UGT8: variants seen among roughly 807,000 people sequenced by gnomAD.
UGT8 encodes 2-hydroxyacylsphingosine 1-beta-galactosyltransferase.
Under a neutral mutation model 40.5 loss-of-function variants are expected in UGT8, and 12 were observed. The ratio of observed to expected loss-of-function variants is 0.30; its 90% CI spans 0.19 to 0.48. The LOEUF is 0.48. UGT8 is among the 20% of genes least tolerant of loss of function. The pLI is 0.99. For synonymous variants in UGT8, 224 were observed against 240.4 expected (o/e 0.93, Z 0.63); for missense variants, 513 against 648.7 (o/e 0.79, Z 2.27).
At chr4:114,617,376 G>A (rs537992401) in intron 1 of UGT8, among the ~76,000 whole-genome samples, 1 of 152,306 alleles carries the variant, frequency 6.6e-6, no homozygotes, top group South Asian at 2.1e-4. Flanking sequence ...AATTCACACT[G>A]AAATGTTAAA....
At chr4:114,654,083 G>A (rs775674250) in intron 2 of UGT8, among the ~76,000 whole-genome samples, 4 of 152,116 alleles carry the variant, frequency 2.6e-5, no homozygotes, top group Non-Finnish European at 1.5e-5. Context: ...AATTAATTTG[G>A]AAATGTAGTA....
intron 2 of UGT8, among the ~76,000 whole-genome samples, chr4:114,662,801 G>A (rs1359556905): frequency 6.8e-6 from 1 of 147,332 alleles, no homozygotes; most frequent in Non-Finnish European, 1.5e-5. Context: ...GTGCAGTGAT[G>A]CCATTGTGAC....
chr4:114,665,817 T>C, intron 4 of UGT8, 61 bp downstream of exon 4: 1 of 197,568 alleles, frequency 5.1e-6, no homozygotes, highest in South Asian at 1.5e-4. Context: ...TAAATGTGAC[T>C]TTTTTTTTTT....
intron 1 of UGT8, among the ~76,000 whole-genome samples, chr4:114,604,972 A>G (rs1730652900): frequency 6.6e-6 from 1 of 151,988 alleles, no homozygotes; most frequent in Non-Finnish European, 1.5e-5. Flanking sequence ...TTTGTAAAGC[A>G]TAGTAATCTA....
At chr4:114,671,868 A>C (rs1007894180) in intron 5 of UGT8, among the ~76,000 whole-genome samples, 1 of 152,242 alleles carries the variant, frequency 6.6e-6, no homozygotes, top group Admixed American at 6.5e-5. Flanking sequence ...AAAAGAAACT[A>C]TCATCAGAGT....
intron 5 of UGT8, among the ~76,000 whole-genome samples, chr4:114,673,499 T>C (rs2126140234): frequency 6.6e-6 from 1 of 152,338 alleles, no homozygotes; most frequent in African/African-American, 2.4e-5. Context: ...CAAGAGCTTT[T>C]CTGATAATTA....
intron 2 of UGT8, among the ~76,000 whole-genome samples, chr4:114,637,249 T>G (rs1474981850): frequency 2.0e-5 from 3 of 152,188 alleles, no homozygotes; most frequent in Non-Finnish European, 4.4e-5. Flanking sequence ...ACGGTCTTTG[T>G]GAGTTCTACA....
chr4:114,609,975 T>G lies in UGT8; in HGVS notation c.-3+11001T>G, dbSNP rs116604555. On this transcript the variant is annotated intron_variant, in intron 1 of 5. Transcript: ENST00000310836. ...CTTCTGTCTTAGAGCCAAAATATAT[T>G]GTAATTTTTTCATGGTCTAAGTATC... Among the ~76,000 whole-genome samples the G allele has an allele frequency of 3.2e-3, 493 of 152,326 alleles. 3 individuals carry two copies. The highest frequency in any genetic ancestry group is 0.011 in the African/African-American group (453 of 41,580).
At chr4:114,647,426 C>T (rs1022546300) in intron 2 of UGT8, among the ~76,000 whole-genome samples, 20 of 150,842 alleles carry the variant, frequency 1.3e-4, no homozygotes, top group African/African-American at 4.1e-4. Context: ...AGTGCAGTGG[C>T]GCTATCTCAG....
At chr4:114,650,837 G>T (rs572428354) in intron 2 of UGT8, among the ~76,000 whole-genome samples, 46 of 151,844 alleles carry the variant, frequency 3.0e-4, no homozygotes, top group Non-Finnish European at 1.5e-5. Flanking sequence ...TTTCTTTCTT[G>T]CTTTTTCATA....
intron 1 of UGT8, among the ~76,000 whole-genome samples, chr4:114,616,995 G>A (rs1011888526): frequency 1.3e-5 from 2 of 152,136 alleles, no homozygotes; most frequent in African/African-American, 4.8e-5. Context: ...GCTCATGCCT[G>A]TAATCCCAGC....
At chr4:114,638,755 G>T (rs1246929933) in intron 2 of UGT8, among the ~76,000 whole-genome samples, 1 of 152,132 alleles carries the variant, frequency 6.6e-6, no homozygotes, top group Non-Finnish European at 1.5e-5. Context: ...ACTTGTTTGG[G>T]TTATGAATTC....
At chr4:114,628,574 G>A (rs10018191) in intron 2 of UGT8, among the ~76,000 whole-genome samples, 9,631 of 151,478 alleles carry the variant, frequency 0.064, 666 homozygotes, top group African/African-American at 0.17. Context: ...ATAAACAGGG[G>A]CAGTGCTGAA....
At chr4:114,667,319 T>TTTTTG (rs1734950868) in intron 4 of UGT8, among the ~76,000 whole-genome samples, 1 of 152,184 alleles carries the variant, frequency 6.6e-6, no homozygotes, top group African/African-American at 2.4e-5. Context: ...AAGTACAATG[T>TTTTTG]TTTTGTTTTG....
Position 114,677,921 on chromosome 4 carries a change from A to G in UGT8, c.*1633A>G, listed in dbSNP as rs1478883058. 2 of 152,250 alleles carry G rather than the reference A, an allele frequency of 1.3e-5. No individual in the cohort carries two copies. Among genetic ancestry groups the G allele is most frequent in the East Asian group, 3.8e-4 (2 of 5,202 alleles). 9.4% of individuals were successfully genotyped at this position (152,250 alleles called of 1,614,324 possible). A position where few individuals can be genotyped will look rare whatever the true frequency, so the allele number is the denominator to read the frequency against. On this transcript the variant is annotated 3_prime_UTR_variant, in exon 6 of 6. Coordinates refer to ENST00000310836, the MANE Select transcript of UGT8 (RefSeq NM_001128174.3). ...TGCACTTAGAAATAATGTCACAAGT[A>G]GTTTTCTAATGTACAATGCAGACAA...
chr4:114,627,556 C>T (rs995550031), intron 2 of UGT8, among the ~76,000 whole-genome samples: 1 of 151,978 alleles, frequency 6.6e-6, no homozygotes, highest in Non-Finnish European at 1.5e-5. Flanking sequence ...CCGCGCCTGG[C>T]CAAATAGATC....
intron 2 of UGT8, among the ~76,000 whole-genome samples, chr4:114,642,665 T>C (rs1469813382): frequency 6.6e-6 from 1 of 152,174 alleles, no homozygotes; most frequent in Non-Finnish European, 1.5e-5. Context: ...TTCATCTTTC[T>C]TGTAGCTGTT....
intron 2 of UGT8, among the ~76,000 whole-genome samples, chr4:114,660,910 AT>A (rs1300795430): frequency 6.6e-6 from 1 of 151,236 alleles, no homozygotes; most frequent in Non-Finnish European, 1.5e-5. Flanking sequence ...AAAAAAAAAA[AT>A]TATAATTCAA....
chr4:114,660,599 G>C (rs1358772612), intron 2 of UGT8, among the ~76,000 whole-genome samples: 2 of 151,996 alleles, frequency 1.3e-5, no homozygotes, highest in Non-Finnish European at 2.9e-5. Context: ...TTATAATTCA[G>C]TTTAACTTTT....
Sources: allele counts gnomAD v4.1 joint callset (sites outside exome capture counted in the v4.1 genomes callset), GRCh38; gene constraint gnomAD v4.1.1; transcripts MANE v1.5; gene names NCBI Gene and HGNC (gene_info 2026-07-23, HGNC 2026-07-21).